Variants in RUFY3 observed in about 807,000 individuals in gnomAD.
The protein encoded by RUFY3 is protein RUFY3.
In RUFY3, 34 loss-of-function variants were observed where a neutral mutation model predicts 84.0. The observed-to-expected ratio is 0.40, with a 90% CI of 0.31 to 0.54. The LOEUF is 0.54. Among genes scored for constraint, RUFY3 ranks in the 20% least tolerant of loss-of-function variants. RUFY3 has a pLI of 0.39. For synonymous variants in RUFY3, 242 were observed against 252.9 expected, an observed-to-expected ratio of 0.96 and a Z score of 0.41; for missense variants, 507 against 736.8, an observed-to-expected ratio of 0.69 and a Z score of 3.61.
rs548886801 is a variant in RUFY3, at chr4:70,756,510, G to A, written c.179-6009G>A. On this transcript the variant is annotated intron_variant, in intron 1 of 17. Transcript: ENST00000381006. Reference sequence around the variant, plus strand: ...TACTTAAACCCCTGGCATTTTTTCAGTGTTGTTTTTCTTCTGTGTATGTTA... The same window carrying A: ...TACTTAAACCCCTGGCATTTTTTCAATGTTGTTTTTCTTCTGTGTATGTTA... 2.7e-4 allele frequency among the ~76,000 whole-genome samples: 41 copies of A among 152,152 alleles called. No homozygotes were observed. The South Asian group carries it at 8.1e-3, about 30-fold the overall frequency.
At chr4:70,730,272 A>G (rs1172651865) in intron 1 of RUFY3, among the ~76,000 whole-genome samples, 3 of 152,162 alleles carry the variant, frequency 2.0e-5, no homozygotes, top group Admixed American at 6.5e-5. Context: ...GGAGTCTGAC[A>G]TTGAGAGGTG....
chr4:70,746,303 C>G (rs1386995425), intron 1 of RUFY3, among the ~76,000 whole-genome samples: 4 of 151,260 alleles, frequency 2.6e-5, no homozygotes, highest in Non-Finnish European at 2.9e-5. Flanking sequence ...AAGATCATGC[C>G]ACTGCACTCA....
chr4:70,754,493 T>C (rs1293888460), intron 1 of RUFY3, among the ~76,000 whole-genome samples: 3 of 152,106 alleles, frequency 2.0e-5, no homozygotes, highest in African/African-American at 7.2e-5. Flanking sequence ...GATATAGATA[T>C]ATAGATATTC....
chr4:70,713,517 C>G (rs77885287), intron 1 of RUFY3, among the ~76,000 whole-genome samples: 1 of 151,560 alleles, frequency 6.6e-6, no homozygotes. Context: ...CCCTACCGAC[C>G]GGACAAGATA....
At chr4:70,729,935 GT>G (rs11420754) in intron 1 of RUFY3, among the ~76,000 whole-genome samples, 3,351 of 129,380 alleles carry the variant, frequency 0.026, 75 homozygotes, top group African/African-American at 0.077. Context: ...TGTTTCTTTC[GT>G]TTTTTTTTTT....
intron 5 of RUFY3, among the ~76,000 whole-genome samples, chr4:70,769,321 A>G (rs1235906892): frequency 6.6e-6 from 1 of 152,248 alleles, no homozygotes; most frequent in Non-Finnish European, 1.5e-5. Flanking sequence ...CTGTCTCAAA[A>G]TAAAACTCTA....
In RUFY3 at chr4:70,806,661, AC is replaced by A; in HGVS notation, c.*3del. 6.2e-7 allele frequency: 1 copy of A among 1,614,010 alleles called. No homozygotes were observed. The highest frequency in any genetic ancestry group is 8.5e-7 in the Non-Finnish European group (1 of 1,179,950). ...CAATATTCTACCAGCCCATCATAAG[AC>A]TGGAGGCCAAGACCTGGACCAAAAC... On this transcript the variant is annotated 3_prime_UTR_variant, in exon 18 of 18. Transcript: ENST00000381006.
chr4:70,729,931 T>A (rs1454803802), intron 1 of RUFY3, among the ~76,000 whole-genome samples: 2 of 133,836 alleles, frequency 1.5e-5, no homozygotes, highest in African/African-American at 5.5e-5. Context: ...TTTTTGTTTC[T>A]TTCGTTTTTT....
At chr4:70,738,596 T>C (rs889534976) in intron 1 of RUFY3, among the ~76,000 whole-genome samples, 6 of 145,794 alleles carry the variant, frequency 4.1e-5, no homozygotes, top group Non-Finnish European at 1.5e-5. Context: ...TCTCCTGACC[T>C]CATGATCTGC....
intron 1 of RUFY3, among the ~76,000 whole-genome samples, chr4:70,724,810 A>G (rs1479565971): frequency 6.6e-6 from 1 of 152,226 alleles, no homozygotes; most frequent in Non-Finnish European, 1.5e-5. Context: ...AACTCTGGAT[A>G]TTTAAACAGT....
At chr4:70,789,166 T>G (rs950929353) in intron 11 of RUFY3, among the ~76,000 whole-genome samples, 193 bp downstream of exon 11, 1 of 152,178 alleles carries the variant, frequency 6.6e-6, no homozygotes, top group African/African-American at 2.4e-5. Flanking sequence ...TAGAAAACCA[T>G]GGCCACTTTT....
intron 12 of RUFY3, chr4:70,791,626 T>C: frequency 9.2e-7 from 1 of 1,086,226 alleles, no homozygotes; most frequent in South Asian, 3.2e-5. Context: ...CATATACTAA[T>C]GATGCCTTTA....
At chr4:70,766,997 G>A (rs1726047643) in intron 4 of RUFY3, among the ~76,000 whole-genome samples, 1 of 152,140 alleles carries the variant, frequency 6.6e-6, no homozygotes, top group Non-Finnish European at 1.5e-5. Flanking sequence ...ATGTCATGTA[G>A]TGGGAATCAT....
chr4:70,775,949 A>AG (rs1389636746), intron 7 of RUFY3, among the ~76,000 whole-genome samples: 1 of 151,552 alleles, frequency 6.6e-6, no homozygotes, highest in Non-Finnish European at 1.5e-5. Flanking sequence ...TTAAACAAAA[A>AG]AAAAAAAACG....
intron 4 of RUFY3, among the ~76,000 whole-genome samples, chr4:70,765,834 C>G (rs1373621846): frequency 6.6e-6 from 1 of 151,552 alleles, no homozygotes; most frequent in East Asian, 1.9e-4. Context: ...GCTATCTCCA[C>G]TCACTGCCAC....
rs1742439709 is a variant in RUFY3 at position 70,722,518 on chromosome 4, TGTGTGTGTGA to T, written c.-46_-37del. The T allele has an allele frequency of 2.0e-6, 3 of 1,477,140 alleles. No individual in the cohort carries two copies. Among genetic ancestry groups the T allele is most frequent in the Non-Finnish European group, 1.8e-6 (2 of 1,101,438 alleles). 91.5% of individuals were successfully genotyped at this position (1,477,140 alleles called of 1,614,324 possible). A position where few individuals can be genotyped will look rare whatever the true frequency, so the allele number is the denominator to read the frequency against. On this transcript the variant is annotated 5_prime_UTR_variant, in exon 1 of 18. Transcript: ENST00000381006. ...GGAGGTTGTATTTATTTTTTTGGTGTGTGTGTGTGAGTGTGTGTGTGTCTGTGTGTGTGTT... is the reference window on the plus strand; with the variant it reads ...GGAGGTTGTATTTATTTTTTTGGTGTGTGTGTGTGTGTCTGTGTGTGTGTT...
chr4:70,749,521 G>T (rs1280454867), intron 1 of RUFY3, among the ~76,000 whole-genome samples: 2 of 50,472 alleles, frequency 4.0e-5, no homozygotes, highest in South Asian at 7.8e-4. Context: ...CCCATCAAAA[G>T]GGTTTTTTTT....
chr4:70,787,187 A>AAAAAAAAATAT (rs1553920475), intron 10 of RUFY3, among the ~76,000 whole-genome samples: 11 of 81,474 alleles, frequency 1.4e-4, no homozygotes, highest in African/African-American at 5.2e-4. Context: ...AAAAAAAAAA[A>AAAAAAAAATAT]ATATATATAT....
chr4:70,749,160 G>C (rs1210516527), intron 1 of RUFY3, among the ~76,000 whole-genome samples: 1 of 151,616 alleles, frequency 6.6e-6, no homozygotes, highest in Non-Finnish European at 1.5e-5. Flanking sequence ...AGGAATTCTT[G>C]GGTTGTATTT....
Sources: gnomAD v4.1 joint callset for allele counts (sites outside exome capture counted in the v4.1 genomes callset) on GRCh38, gnomAD v4.1.1 for gene constraint, MANE v1.5 for transcripts, NCBI Gene and HGNC (gene_info 2026-07-23, HGNC 2026-07-21) for gene names.